Variants in ACOT7 observed in about 807,000 individuals in gnomAD.
The protein encoded by ACOT7 is acyl-CoA thioesterase 7, also known as cytosolic acyl coenzyme A thioester hydrolase.
Under a neutral mutation model 40.2 loss-of-function variants are expected in ACOT7, and 12 were observed. The ratio of observed to expected loss-of-function variants is 0.30; its 90% confidence interval spans 0.19 to 0.48. The LOEUF is 0.48. Among genes scored for constraint, ACOT7 ranks in the 20% least tolerant of loss-of-function variants. The pLI, the probability that ACOT7 is intolerant of heterozygous loss-of-function variation, is 0.99. For missense variants in ACOT7, 395 were observed against 530.8 expected, an observed-to-expected ratio of 0.74 and a Z score of 2.51; for synonymous variants, 228 against 219.5, an observed-to-expected ratio of 1.04 and a Z score of -0.34.
At chr1:6,271,718 G>A (rs1639041055) in intron 8 of ACOT7, among the ~76,000 whole-genome samples, 1 of 152,250 alleles carries the variant, frequency 6.6e-6, no homozygotes, top group African/African-American at 2.4e-5. Flanking sequence ...GCCTCCAGCA[G>A]AAAGCAGCCG....
At chr1:6,321,193 G>A (rs781511414) in intron 5 of ACOT7, among the ~76,000 whole-genome samples, 6 of 152,158 alleles carry the variant, frequency 3.9e-5, no homozygotes, top group African/African-American at 1.2e-4. Context: ...TCATCCAAGC[G>A]GGCACTGGGA....
intron 6 of ACOT7, among the ~76,000 whole-genome samples, chr1:6,302,719 C>T (rs940989793): frequency 6.6e-6 from 1 of 152,088 alleles, no homozygotes; most frequent in African/African-American, 2.4e-5. Context: ...CGGCGAGACA[C>T]AACCCTGGGC....
rs1056638813 is a variant in ACOT7, at chr1:6,288,540, G to A, written c.829+6324C>T. 6.6e-6 allele frequency among the ~76,000 whole-genome samples: 1 copy of A among 152,236 alleles called. No homozygotes were observed. Among genetic ancestry groups the A allele is most frequent in the African/African-American group, 2.4e-5 (1 of 41,470 alleles). ...CATGTCACGGGGAGCCACGGAGGCT[G>A]TGAGCAGAGGAATAGCAGGTCCCTA... On this transcript the variant is annotated intron_variant, in intron 7 of 8. Transcript: ENST00000361521. The surrounding 1 kb of genome is among the most constrained non-coding windows in gnomAD (Gnocchi z 4.3).
chr1:6,339,039 T>C (rs59926066), intron 3 of ACOT7, among the ~76,000 whole-genome samples: 10,540 of 152,124 alleles, frequency 0.069, 436 homozygotes, highest in African/African-American at 0.11. Flanking sequence ...AGCCAACACC[T>C]CCCTACGCTT....
At chr1:6,290,052 G>A (rs1452763921) in intron 7 of ACOT7, among the ~76,000 whole-genome samples, 2 of 152,162 alleles carry the variant, frequency 1.3e-5, no homozygotes, top group Admixed American at 1.3e-4. Context: ...GAATCACAGG[G>A]GTCCTGTGAG....
chr1:6,387,070 G>T (rs778344283), intron 1 of ACOT7, among the ~76,000 whole-genome samples: 1 of 152,074 alleles, frequency 6.6e-6, no homozygotes, highest in Non-Finnish European at 1.5e-5. Flanking sequence ...AGGGCTACGG[G>T]GACACAGGAG....
At chr1:6,302,671 T>C (rs887925965) in intron 6 of ACOT7, among the ~76,000 whole-genome samples, 9 of 151,756 alleles carry the variant, frequency 5.9e-5, no homozygotes, top group South Asian at 2.1e-4. Context: ...AAAACTGAGA[T>C]TTTAATCAAC....
At position 6,294,557 on chromosome 1, in the gene ACOT7, G is replaced by A. The variant is rs1383365977; in HGVS notation, c.829+307C>T. Among the ~76,000 whole-genome samples the A allele has an allele frequency of 5.3e-5, 8 of 152,222 alleles. No individual in the cohort carries two copies. Among genetic ancestry groups the A allele is most frequent in the Admixed American group, 4.6e-4 (7 of 15,284 alleles). On this transcript the variant is annotated intron_variant, in intron 7 of 8. Transcript: ENST00000361521. The surrounding 1 kb of genome is among the most constrained non-coding windows in gnomAD (Gnocchi z 4.6). Reference sequence around the variant, plus strand: ...GCCATGAGGTTTGGTGTCCAGGGTCGTGGCAGCTGCAGGCACAGGACCTTC... The same window carrying A: ...GCCATGAGGTTTGGTGTCCAGGGTCATGGCAGCTGCAGGCACAGGACCTTC...
intron 2 of ACOT7, among the ~76,000 whole-genome samples, chr1:6,348,571 G>C (rs1343172320): frequency 6.6e-6 from 1 of 152,172 alleles, no homozygotes; most frequent in Non-Finnish European, 1.5e-5. Context: ...CCTTATAAAA[G>C]GGCCTGAGAG....
At chr1:6,292,889 CTT>C (rs973103642) in intron 7 of ACOT7, among the ~76,000 whole-genome samples, 6 of 125,074 alleles carry the variant, frequency 4.8e-5, no homozygotes, top group Non-Finnish European at 3.4e-5. Flanking sequence ...ATTTCTTTTT[CTT>C]TTTTTTTTTT....
In ACOT7 at chr1:6,306,127, A is replaced by T; in HGVS notation, c.713-11147T>A. ...TCAGGCAGGGAGGTTGCAGTGAGCC[A>T]AGATGGCAGCAGCACAGTCCAGCTT... On this transcript the variant is annotated intron_variant, in intron 6 of 8. Transcript: ENST00000361521. The surrounding 1 kb of genome is among the most constrained non-coding windows in gnomAD (Gnocchi z 4.3). The T allele has an allele frequency of 1.6e-6, 1 of 610,990 alleles. No individual in the cohort carries two copies. The highest frequency in any genetic ancestry group is 2.0e-6 in the Non-Finnish European group (1 of 490,892). 37.8% of individuals were successfully genotyped at this position (610,990 alleles called of 1,614,324 possible). A position where few individuals can be genotyped will look rare whatever the true frequency, so the allele number is the denominator to read the frequency against.
At chr1:6,383,703 G>A (rs766211281) in intron 1 of ACOT7, among the ~76,000 whole-genome samples, 6 of 150,800 alleles carry the variant, frequency 4.0e-5, no homozygotes, top group Admixed American at 1.3e-4. Context: ...CCCTGCATCT[G>A]GCTAATTTTT....
intron 2 of ACOT7, among the ~76,000 whole-genome samples, chr1:6,344,925 C>G (rs1011451794): frequency 1.2e-4 from 19 of 152,136 alleles, no homozygotes; most frequent in African/African-American, 4.3e-4. Context: ...AGAGGTGGCT[C>G]TGTGTGTCTG....
In ACOT7 at chr1:6,352,632, C is replaced by G; in HGVS notation, c.144-2766G>C. On this transcript the variant is annotated intron_variant, in intron 1 of 8. Transcript: ENST00000361521. This position sits in a 1 kb window ranked among gnomAD's most constrained non-coding sequence, Gnocchi z 4.5. ...TTTGAGACGGCGTCTCGCTCTGTCT[C>G]CCAGGCTGGAGTGCAGTGGCACGAT... 6.6e-6 allele frequency among the ~76,000 whole-genome samples: 1 copy of G among 151,264 alleles called. No homozygotes were observed. The highest frequency in any genetic ancestry group is 1.5e-5 in the Non-Finnish European group (1 of 67,936).
intron 7 of ACOT7, among the ~76,000 whole-genome samples, chr1:6,285,120 G>C (rs1008708526): frequency 6.6e-6 from 1 of 152,160 alleles, no homozygotes; most frequent in Non-Finnish European, 1.5e-5. Context: ...GGCCCAGGGG[G>C]CCCAAAGCAG....
rs1286235116 is a variant in ACOT7, at chr1:6,275,838, C to T, written c.1014+5264G>A. On this transcript the variant is annotated intron_variant, in intron 8 of 8. Transcript: ENST00000361521. The surrounding 1 kb of genome is among the most constrained non-coding windows in gnomAD (Gnocchi z 5.6). ...GCTCGGAGTCCTGGGCTGGCCACCT[C>T]GGGAGATGTGTGTTCATGAGCACCA... Among the ~76,000 whole-genome samples the T allele has an allele frequency of 2.0e-5, 3 of 152,110 alleles. No homozygotes were observed. The highest frequency in any genetic ancestry group is 6.5e-5 in the Admixed American group (1 of 15,276).
At chr1:6,266,106 C>A (rs1638845270) in intron 8 of ACOT7, among the ~76,000 whole-genome samples, 1 of 152,222 alleles carries the variant, frequency 6.6e-6, no homozygotes, top group Non-Finnish European at 1.5e-5. Context: ...CTTCGGTGTA[C>A]ACAGGAAAAC....
intron 6 of ACOT7, among the ~76,000 whole-genome samples, chr1:6,316,131 T>C (rs541720941): frequency 2.6e-5 from 4 of 152,282 alleles, no homozygotes; most frequent in African/African-American, 9.6e-5. Context: ...GCAGAACTCA[T>C]AGCCCAGAGT....
chr1:6,322,274 T>C (rs1640667857), intron 5 of ACOT7, among the ~76,000 whole-genome samples: 1 of 152,188 alleles, frequency 6.6e-6, no homozygotes, highest in African/African-American at 2.4e-5. Context: ...CCCCAGAATG[T>C]GGCTTTTTGG....
Sources: allele counts gnomAD v4.1 joint callset (sites outside exome capture counted in the v4.1 genomes callset), GRCh38; gene constraint gnomAD v4.1.1; non-coding constraint Gnocchi (gnomAD v3.1); transcripts MANE v1.5; gene names NCBI Gene and HGNC (gene_info 2026-07-23, HGNC 2026-07-21).